Variants in FGFR2 observed in about 807,000 individuals in gnomAD.
The protein encoded by FGFR2 is fibroblast growth factor receptor 2.
A neutral mutation model predicts 95.9 loss-of-function variants in FGFR2; 19 were observed. That is an observed-to-expected ratio of 0.20 (90% CI 0.14 to 0.29). The LOEUF (loss-of-function observed/expected upper bound fraction) is 0.29, where lower values mean the gene tolerates loss of function less well. Among genes scored for constraint, FGFR2 ranks in the 10% least tolerant of loss-of-function variants. The pLI is 1.00. For missense variants in FGFR2, 707 were observed against 1,056.9 expected, an observed-to-expected ratio of 0.67 and a Z score of 4.59; for synonymous variants, 392 against 393.3, an observed-to-expected ratio of 1.00 and a Z score of 0.04.
intron 6 of FGFR2, chr10:121,527,686 A>T (rs1851564154): frequency 6.6e-6 from 1 of 152,152 alleles, no homozygotes; most frequent in South Asian, 2.1e-4. Flanking sequence ...CTTCTCAATC[A>T]GCGAGGTATA....
In FGFR2 at chr10:121,518,637, T is replaced by A; in HGVS notation, c.940-1174A>T. The A allele has an allele frequency of 1.2e-6, 2 of 1,613,052 alleles. No homozygotes were observed. Among genetic ancestry groups the A allele is most frequent in the Non-Finnish European group, 1.7e-6 (2 of 1,179,462 alleles). On this transcript the variant is annotated intron_variant, in intron 7 of 17. Coordinates refer to ENST00000358487, the MANE Select transcript of FGFR2 (RefSeq NM_000141.5). This position sits in a 1 kb window ranked among gnomAD's most constrained non-coding sequence, Gnocchi z 4.0. ...GCACCAAGTCTTTTCAGCTTCTATA[T>A]CCAGCTTTCTTTTTAAAAAAAGACA...
chr10:121,508,268 A>G (rs1432011590), intron 9 of FGFR2, among the ~76,000 whole-genome samples: 2 of 152,246 alleles, frequency 1.3e-5, no homozygotes, highest in African/African-American at 4.8e-5. Flanking sequence ...CTGATTTGCT[A>G]GATGAGGCCC....
At chr10:121,489,812 C>G (rs1321563587) in intron 13 of FGFR2, among the ~76,000 whole-genome samples, 1 of 152,236 alleles carries the variant, frequency 6.6e-6, no homozygotes, top group Admixed American at 6.5e-5. Context: ...ATGCCTTAGT[C>G]CAGGCCATCT....
intron 5 of FGFR2, among the ~76,000 whole-genome samples, chr10:121,548,012 T>C (rs1181881347): frequency 6.6e-6 from 1 of 152,144 alleles, no homozygotes; most frequent in Non-Finnish European, 1.5e-5. Context: ...CGGAAGCCCT[T>C]GGGACTCAGT....
chr10:121,576,336 G>A (rs1259927345), intron 2 of FGFR2, among the ~76,000 whole-genome samples: 2 of 152,222 alleles, frequency 1.3e-5, no homozygotes, highest in Non-Finnish European at 2.9e-5. Flanking sequence ...GATGTACAAT[G>A]AGGAGTCTGT....
At chr10:121,526,066 C>T (rs1451418273) in intron 6 of FGFR2, 2 of 397,416 alleles carry the variant, frequency 5.0e-6, no homozygotes, top group Non-Finnish European at 8.9e-6. Flanking sequence ...TGGAAACAGC[C>T]AGTCTCCTGC....
Position 121,479,898 on chromosome 10 carries a change from G to T in FGFR2, c.2425C>A (p.Leu809Ile). ...SPDPMPYEPC[L>I]PQYPHINGSV... Reference sequence around the variant, plus strand: ...CCGTTTATGTGTGGATACTGAGGAAGGCATGGTTCGTAAGGCATGGGGTCT... The same window carrying T: ...CCGTTTATGTGTGGATACTGAGGAATGCATGGTTCGTAAGGCATGGGGTCT... The change falls in exon 18 of 18, where the codon CTT (leucine) becomes ATT (isoleucine). Residue 809 changes from leucine (L) to isoleucine (I), a missense_variant. Around this residue, in one of 7 missense-constraint regions of FGFR2, gnomAD observed 51 missense variants for 50.2 expected, o/e 1.01. Coordinates refer to ENST00000358487, the MANE Select transcript of FGFR2 (RefSeq NM_000141.5). 6.2e-7 allele frequency: 1 copy of T among 1,614,162 alleles called. No individual in the cohort carries two copies.
At chr10:121,521,313 G>A (rs1012696753) in intron 6 of FGFR2, among the ~76,000 whole-genome samples, 11 of 152,120 alleles carry the variant, frequency 7.2e-5, no homozygotes, top group Non-Finnish European at 1.3e-4. Flanking sequence ...TCTCTCCTTC[G>A]AGAACACGTT....
rs561239890 is a variant in FGFR2 at position 121,523,796 on chromosome 10, T to C, written c.749-3627A>G. Among the ~76,000 whole-genome samples the C allele has an allele frequency of 2.0e-5, 3 of 152,358 alleles. No individual in the cohort carries two copies. In the East Asian group the frequency reaches 5.8e-4, roughly 29 times the overall value. The stretch of plus-strand genomic sequence containing the variant: ...TCTTAGAAACAAAGGTCATAAAATC[T>C]TAAATGTCATAAGCCAGATCAACTG... On this transcript the variant is annotated intron_variant, in intron 6 of 17. Transcript: ENST00000358487.
At chr10:121,509,454 C>CCAAGAAA (rs1454103934) in intron 9 of FGFR2, among the ~76,000 whole-genome samples, 24 of 145,568 alleles carry the variant, frequency 1.6e-4, no homozygotes, top group African/African-American at 5.6e-4. Flanking sequence ...TAAAGGGCCA[C>CCAAGAAA]CAAGAAACAG....
Position 121,488,016 on chromosome 10 carries a change from A to G in FGFR2, c.1961T>C (p.Ile654Thr), listed in dbSNP as rs1404851539. ...DFGLARDINNIDYYKKTTNGR... is the reference protein window; with the variant it reads ...DFGLARDINNTDYYKKTTNGR... ...ATTGGTGGTCTTTTTGTAATAGTCTATATTGTTGATATCTCTGGCGAGTCC... is the reference window on the plus strand; with the variant it reads ...ATTGGTGGTCTTTTTGTAATAGTCTGTATTGTTGATATCTCTGGCGAGTCC... Residue 654 changes from isoleucine (I) to threonine (T), a missense_variant, in exon 14 of 18, where the codon ATA becomes ACA. This residue lies in a region of FGFR2 where 104 missense variants were observed against 214.2 expected (regional missense o/e 0.49). Coordinates refer to ENST00000358487, the MANE Select transcript of FGFR2 (RefSeq NM_000141.5). 1 of 1,614,080 alleles carries G rather than the reference A, an allele frequency of 6.2e-7. No homozygotes were observed.
rs1334390440 is a variant in FGFR2 at position 121,517,612 on chromosome 10, A to G, written c.940-149T>C. On this transcript the variant is annotated intron_variant, in intron 7 of 17. Coordinates refer to ENST00000358487, the MANE Select transcript of FGFR2 (RefSeq NM_000141.5). This position sits in a 1 kb window ranked among gnomAD's most constrained non-coding sequence, Gnocchi z 4.7. ...CTGCAGCCCATCCACAAAGCCCACA[A>G]CCGAGAGACACGGAGCAACACTGAC... 9.2e-6 allele frequency: 8 copies of G among 865,580 alleles called. No homozygotes were observed. Among genetic ancestry groups the G allele is most frequent in the Non-Finnish European group, 1.3e-5 (7 of 533,442 alleles). 53.6% of individuals were successfully genotyped at this position (865,580 alleles called of 1,614,324 possible). A position where few individuals can be genotyped will look rare whatever the true frequency, so the allele number is the denominator to read the frequency against.
intron 4 of FGFR2, among the ~76,000 whole-genome samples, chr10:121,559,342 G>C (rs1286637162): frequency 3.3e-5 from 5 of 152,086 alleles, no homozygotes; most frequent in Admixed American, 3.3e-4. Context: ...CTATTAATCG[G>C]GTCAGGCATT....
intron 9 of FGFR2, among the ~76,000 whole-genome samples, chr10:121,514,267 C>A (rs1221612812): frequency 6.6e-6 from 1 of 152,228 alleles, no homozygotes; most frequent in Admixed American, 6.5e-5. Context: ...TCTGCATCTA[C>A]ATCTGCCTTC....
chr10:121,503,002 G>A (rs1227025727), intron 10 of FGFR2, among the ~76,000 whole-genome samples: 2 of 152,178 alleles, frequency 1.3e-5, no homozygotes, highest in African/African-American at 2.4e-5. Flanking sequence ...GAAATGAAAG[G>A]AAAACTCGCA....
chr10:121,585,019 G>A (rs1036626089), intron 2 of FGFR2, among the ~76,000 whole-genome samples: 6 of 146,536 alleles, frequency 4.1e-5, no homozygotes, highest in African/African-American at 5.1e-5. Context: ...GTTCTTCGCC[G>A]GGCCTAATGG....
intron 6 of FGFR2, among the ~76,000 whole-genome samples, chr10:121,532,613 C>A (rs1313377652): frequency 3.9e-5 from 6 of 152,174 alleles, no homozygotes; most frequent in Non-Finnish European, 8.8e-5. Flanking sequence ...GTGCCTCCGT[C>A]CCCTGGCCCC....
chr10:121,510,448 A>G (rs889624512), intron 9 of FGFR2, among the ~76,000 whole-genome samples: 1 of 152,088 alleles, frequency 6.6e-6, no homozygotes. Flanking sequence ...ATCCGTGACC[A>G]CTCTAATTAC....
chr10:121,549,788 T>C (rs1383476434), intron 5 of FGFR2, among the ~76,000 whole-genome samples: 3 of 152,062 alleles, frequency 2.0e-5, no homozygotes, highest in East Asian at 3.9e-4. Flanking sequence ...ACATGAGCAG[T>C]TCCTTCCCCA....
Sources: allele counts gnomAD v4.1 joint callset (sites outside exome capture counted in the v4.1 genomes callset), GRCh38; gene constraint gnomAD v4.1.1; regional missense constraint gnomAD v4.1.1; non-coding constraint Gnocchi (gnomAD v3.1); transcripts MANE v1.5; gene names NCBI Gene and HGNC (gene_info 2026-07-23, HGNC 2026-07-21).